Variants in FANCB observed in about 807,000 individuals in gnomAD.
FANCB encodes FA complementation group B.
A neutral mutation model predicts 38.9 loss-of-function variants in FANCB; 5 were observed. The observed-to-expected ratio is 0.13, with a 90% CI of 0.07 to 0.27. The LOEUF (loss-of-function observed/expected upper bound fraction) is 0.27, where lower values mean the gene tolerates loss of function less well. FANCB is among the 10% of genes least tolerant of loss of function. FANCB has a pLI of 1.00. For missense variants in FANCB, 573 were observed against 602.7 expected, an observed-to-expected ratio of 0.95 and a Z score of 0.52; for synonymous variants, 236 against 215.4, an observed-to-expected ratio of 1.10 and a Z score of -0.84.
the FANCB span, among the ~76,000 whole-genome samples, chrX:14,783,411 C>T: frequency 1.8e-5 from 2 of 112,146 alleles, no homozygotes; most frequent in Non-Finnish European, 3.8e-5. Flanking sequence ...TTCCCACAGC[C>T]TTCTGGGCCT....
chrX:14,718,864 T>TC, the FANCB span, among the ~76,000 whole-genome samples: 1 of 111,898 alleles, frequency 8.9e-6, no homozygotes. Context: ...TACAGTGTCA[T>TC]CTTCACTGCA....
chrX:14,794,239 G>T, the FANCB span, among the ~76,000 whole-genome samples: 1 of 111,649 alleles, frequency 9.0e-6, no homozygotes, highest in Non-Finnish European at 1.9e-5. Context: ...AACAGAGTTT[G>T]TTAACTGACA....
intron 7 of FANCB, among the ~76,000 whole-genome samples, 199 bp downstream of exon 7, chrX:14,850,306 T>C (rs1221703019): frequency 1.8e-5 from 2 of 111,647 alleles, no homozygotes; most frequent in Non-Finnish European, 3.8e-5. Flanking sequence ...GCCGAGATCA[T>C]CCCACTGCAC....
the FANCB span, among the ~76,000 whole-genome samples, chrX:14,764,000 G>A: frequency 1.8e-5 from 2 of 111,787 alleles, no homozygotes; most frequent in Non-Finnish European, 3.8e-5. Flanking sequence ...CCCTGGTGCA[G>A]TGCAAAAGAT....
At position 14,844,868 on chromosome X, in the gene FANCB, T is replaced by C. The variant is rs772005838; in HGVS notation, c.1915A>G (p.Lys639Glu). ...TGKYLLTFPK[K>E]KPIEHMEDLF... is the part of the protein sequence containing the mutation. ...CCAACAAAATTACCTATAGGTTTCT[T>C]CTTTGGAAATGTCAGTAGGTACTTC... is the stretch of plus-strand genomic sequence containing the variant. The change falls in exon 8 of 10, where the codon AAG becomes GAG. Residue 639 changes from lysine to glutamate, a missense_variant. Lys to Glu is a moderately conservative substitution (Grantham distance 56, BLOSUM62 1). Coordinates refer to ENST00000650831, the MANE Select transcript of FANCB (RefSeq NM_001018113.3). 1.7e-6 allele frequency: 2 copies of C among 1,204,906 alleles called. No individual in the cohort carries two copies. The highest frequency in any genetic ancestry group is 2.2e-6 in the Non-Finnish European group (2 of 891,985).
the FANCB span, among the ~76,000 whole-genome samples, chrX:14,709,467 A>T: frequency 2.7e-5 from 3 of 112,291 alleles, no homozygotes; most frequent in African/African-American, 9.7e-5. Flanking sequence ...TGGTAACCGT[A>T]ATAATGAAGC....
intron 6 of FANCB, 90 bp downstream of exon 6, chrX:14,852,949 A>G: frequency 1.2e-6 from 1 of 845,363 alleles, no homozygotes; most frequent in Non-Finnish European, 1.7e-6. Context: ...ATTTTCTAAT[A>G]TATTCTAATA....
chrX:14,738,108 C>G, the FANCB span, among the ~76,000 whole-genome samples: 1 of 112,237 alleles, frequency 8.9e-6, no homozygotes, highest in Non-Finnish European at 1.9e-5. Flanking sequence ...CTGCCAGCCA[C>G]TAAAGTAGGC....
the FANCB span, among the ~76,000 whole-genome samples, chrX:14,691,693 G>A: frequency 8.9e-6 from 1 of 111,837 alleles, no homozygotes; most frequent in Non-Finnish European, 1.9e-5. Context: ...CTGGTGTGCA[G>A]ACATGCTTGG....
At chrX:14,866,056 C>T (rs753850540) in intron 2 of FANCB, among the ~76,000 whole-genome samples, 1 of 111,657 alleles carries the variant, frequency 9.0e-6, no homozygotes, top group Non-Finnish European at 1.9e-5. Flanking sequence ...CTCCCACAGC[C>T]CAGGCAATTG....
chrX:14,844,103 A>C, intron 9 of FANCB, 122 bp from the exon 10 acceptor site: 1 of 553,172 alleles, frequency 1.8e-6, no homozygotes, highest in Non-Finnish European at 2.9e-6. Flanking sequence ...AACAGAACCA[A>C]TTATGTACGT....
chrX:14,844,781 A>G (rs2092368878), intron 8 of FANCB, 41 bp from the exon 9 acceptor site: 3 of 1,158,472 alleles, frequency 2.6e-6, no homozygotes, highest in Non-Finnish European at 2.4e-6. Flanking sequence ...AACTCTGCCC[A>G]TTATCAGATA....
chrX:14,791,831 C>T, the FANCB span, among the ~76,000 whole-genome samples: 3 of 112,082 alleles, frequency 2.7e-5, no homozygotes, highest in Non-Finnish European at 5.6e-5. Context: ...ATAAACCCTC[C>T]TATTCTTCTC....
intron 3 of FANCB, among the ~76,000 whole-genome samples, chrX:14,862,563 C>T (rs780572830): frequency 3.6e-5 from 4 of 111,839 alleles, no homozygotes; most frequent in Admixed American, 9.5e-5. Flanking sequence ...ATTAATGACA[C>T]ATAAAGGAAT....
At chrX:14,787,460 C>T in the FANCB span, among the ~76,000 whole-genome samples, 5 of 110,137 alleles carry the variant, frequency 4.5e-5, no homozygotes, top group South Asian at 3.8e-4. Flanking sequence ...AGAAGGAATA[C>T]GACTTAGTGA....
the FANCB span, among the ~76,000 whole-genome samples, chrX:14,777,997 C>A: frequency 9.8e-5 from 11 of 111,827 alleles, no homozygotes; most frequent in Non-Finnish European, 2.1e-4. Context: ...TGTGAGGTTC[C>A]TCCCTGCCTT....
chrX:14,871,636 GTGTGTA>G (rs1387360360), intron 1 of FANCB, among the ~76,000 whole-genome samples: 1 of 110,245 alleles, frequency 9.1e-6, no homozygotes, highest in Non-Finnish European at 1.9e-5. Flanking sequence ...GTGTGTGTGT[GTGTGTA>G]TATATATATA....
At chrX:14,813,704 T>G in the FANCB span, among the ~76,000 whole-genome samples, 8 of 111,955 alleles carry the variant, frequency 7.1e-5, no homozygotes, top group Middle Eastern at 4.6e-3. Flanking sequence ...GAACATTCCA[T>G]GCTCATGGAT....
chrX:14,716,319 T>C, the FANCB span, among the ~76,000 whole-genome samples: 1 of 111,570 alleles, frequency 9.0e-6, no homozygotes, highest in Admixed American at 9.5e-5. Context: ...TGAGGGACTG[T>C]CCCAACCTCA....
Sources: allele counts gnomAD v4.1 joint callset (sites outside exome capture counted in the v4.1 genomes callset), GRCh38; gene constraint gnomAD v4.1.1; transcripts MANE v1.5; gene names NCBI Gene and HGNC (gene_info 2026-07-23, HGNC 2026-07-21).